M1AP: variants seen among roughly 807,000 people sequenced by gnomAD.
M1AP encodes meiosis 1 associated protein, also known as meiosis 1 arrest protein.
M1AP carries 39 observed loss-of-function variants against 51.2 expected under a neutral mutation model. That is an observed-to-expected ratio of 0.76 (90% CI 0.59 to 1.00). The LOEUF is 1.00. M1AP is among the 50% of genes least tolerant of loss of function. The probability of loss-of-function intolerance (pLI) is 0.00; values close to 1 mark genes in which losing one functional copy is unlikely to be tolerated. For synonymous variants in M1AP, 251 were observed against 249.2 expected, an observed-to-expected ratio of 1.01 and a Z score of -0.07; for missense variants, 545 against 641.2, an observed-to-expected ratio of 0.85 and a Z score of 1.62.
chr2:74,591,140 C>T (rs763572402), intron 4 of M1AP, among the ~76,000 whole-genome samples: 15 of 152,138 alleles, frequency 9.9e-5, no homozygotes, highest in Non-Finnish European at 1.8e-4. Flanking sequence ...AGTATAAAGC[C>T]GCCTCCCAGC....
intron 2 of M1AP, 99 bp downstream of exon 2, chr2:74,639,937 G>A (rs535079252): frequency 4.2e-5 from 44 of 1,044,382 alleles, no homozygotes; most frequent in Non-Finnish European, 5.4e-5. Context: ...GAAGTAGTGC[G>A]GTTATTGTTA....
At chr2:74,567,804 C>T (rs1021719618) in intron 7 of M1AP, among the ~76,000 whole-genome samples, 2 of 152,144 alleles carry the variant, frequency 1.3e-5, no homozygotes, top group South Asian at 4.1e-4. Context: ...GTGACATTTA[C>T]GGGAGTGGTG....
intron 4 of M1AP, among the ~76,000 whole-genome samples, chr2:74,590,295 G>A (rs1325363409): frequency 6.6e-6 from 1 of 152,190 alleles, no homozygotes; most frequent in African/African-American, 2.4e-5. Flanking sequence ...GGAGGGGGCA[G>A]ACAAGCTCCT....
At chr2:74,586,611 C>T (rs1397069453) in intron 4 of M1AP, among the ~76,000 whole-genome samples, 1 of 152,160 alleles carries the variant, frequency 6.6e-6, no homozygotes, top group Non-Finnish European at 1.5e-5. Flanking sequence ...CAATATTAAT[C>T]GCACTGCTGA....
chr2:74,618,308 C>A (rs1382819746), intron 2 of M1AP, among the ~76,000 whole-genome samples: 1 of 152,192 alleles, frequency 6.6e-6, no homozygotes, highest in Non-Finnish European at 1.5e-5. Flanking sequence ...GAGTGCTCAG[C>A]GTGCAGGGCC....
rs1479758903 is a variant in M1AP, at chr2:74,560,249, A to C, written c.1324T>G (p.Leu442Val). Residue 442 changes from leucine to valine, a missense_variant, in exon 9 of 11, where the codon TTG (leucine) becomes GTG (valine). Physicochemically the swap from Leu to Val is conservative, Grantham distance 32. Coordinates refer to ENST00000421985, the MANE Select transcript of M1AP (RefSeq NM_001321739.2). ...GAGTACAGGTGGCTTTGAACATGCAAGGGGTTGTAGGTGGGCTCCAGCTCC... is the reference window on the plus strand; with the variant it reads ...GAGTACAGGTGGCTTTGAACATGCACGGGGTTGTAGGTGGGCTCCAGCTCC... ...SLELEPTYNPLHVQSHLYSHL... is the reference protein window; with the variant it reads ...SLELEPTYNPVHVQSHLYSHL... 3.1e-6 allele frequency: 5 copies of C among 1,613,216 alleles called. No homozygotes were observed. Among genetic ancestry groups the C allele is most frequent in the Non-Finnish European group, 4.2e-6 (5 of 1,179,668 alleles).
At chr2:74,596,092 T>A (rs1255647484) in intron 4 of M1AP, among the ~76,000 whole-genome samples, 1 of 151,764 alleles carries the variant, frequency 6.6e-6, no homozygotes, top group Non-Finnish European at 1.5e-5. Flanking sequence ...AAACAGAAAA[T>A]AAAATGGTAG....
intron 1 of M1AP, among the ~76,000 whole-genome samples, chr2:74,646,659 TGA>T (rs1251314920): frequency 4.6e-5 from 7 of 152,330 alleles, no homozygotes; most frequent in East Asian, 3.9e-4. Context: ...AGTTTTACTA[TGA>T]GAGTTTTTTT....
chr2:74,560,180 G>A lies in M1AP; in HGVS notation c.1393C>T (p.Pro465Ser). 6.2e-7 allele frequency: 1 copy of A among 1,614,002 alleles called. No homozygotes were observed. Among genetic ancestry groups the A allele is most frequent in the Non-Finnish European group, 8.5e-7 (1 of 1,180,000 alleles). ...CTCGGAGCTCGGCTCTCCCAGTGTGGGTGGAGCCGCCCCTGAGGCTTGGCA... is the reference window on the plus strand; with the variant it reads ...CTCGGAGCTCGGCTCTCCCAGTGTGAGTGGAGCCGCCCCTGAGGCTTGGCA... ...IYAKPQGRLH[P>S]HWESRAPRKH... is the part of the protein sequence containing the mutation. Residue 465 changes from proline to serine, a missense_variant, in exon 9 of 11, where the codon CCA becomes TCA. Transcript: ENST00000421985.
Position 74,615,091 on chromosome 2 carries a change from T to C in M1AP, c.299A>G (p.Gln100Arg), listed in dbSNP as rs773033828. The change falls in exon 3 of 11, where the codon CAG (glutamine) becomes CGG (arginine). Residue 100 changes from glutamine (Q) to arginine (R), a missense_variant. Coordinates refer to ENST00000421985, the MANE Select transcript of M1AP (RefSeq NM_001321739.2). ...TTGTGATCTGAAACACCCTTCTCTC[T>C]GTAACATGCGGAGTTCTGAGATGCA... ...QTCISELRMLQREGCFRSQGA... is the reference protein window; with the variant it reads ...QTCISELRMLRREGCFRSQGA... The C allele has an allele frequency of 1.2e-6, 2 of 1,614,198 alleles. No individual in the cohort carries two copies. The highest frequency in any genetic ancestry group is 3.3e-5 in the Admixed American group (2 of 60,024).
At chr2:74,600,687 A>G (rs1680623640) in intron 4 of M1AP, among the ~76,000 whole-genome samples, 1 of 152,232 alleles carries the variant, frequency 6.6e-6, no homozygotes, top group Admixed American at 6.5e-5. Context: ...GAGGAACAAA[A>G]TAGAGAATGA....
intron 7 of M1AP, among the ~76,000 whole-genome samples, chr2:74,570,375 T>C (rs1332259123): frequency 6.6e-6 from 1 of 152,196 alleles, no homozygotes; most frequent in Non-Finnish European, 1.5e-5. Context: ...ATTCTGGGCC[T>C]AAATTTGACC....
chr2:74,619,549 T>C (rs937320904), intron 2 of M1AP, among the ~76,000 whole-genome samples: 4 of 152,194 alleles, frequency 2.6e-5, no homozygotes, highest in Admixed American at 6.5e-5. Context: ...GGGTAAGTTT[T>C]TCCAAAACTT....
chr2:74,606,103 A>G (rs1025033721), intron 4 of M1AP, among the ~76,000 whole-genome samples: 1 of 152,186 alleles, frequency 6.6e-6, no homozygotes, highest in Non-Finnish European at 1.5e-5. Flanking sequence ...GTAAGCTGGC[A>G]AATGAGTGAG....
chr2:74,567,572 T>A (rs1573066443), intron 7 of M1AP, among the ~76,000 whole-genome samples: 1 of 152,368 alleles, frequency 6.6e-6, no homozygotes, highest in Middle Eastern at 3.4e-3. Flanking sequence ...GTTATGGGGA[T>A]AAAATAAGTT....
chr2:74,621,945 T>TAA (rs753660707), intron 2 of M1AP, among the ~76,000 whole-genome samples: 22 of 122,880 alleles, frequency 1.8e-4, no homozygotes, highest in South Asian at 5.2e-4. Flanking sequence ...CCACATCTAC[T>TAA]AAAAAAAAAA....
chr2:74,625,958 C>T (rs2104784779), intron 2 of M1AP, among the ~76,000 whole-genome samples: 1 of 152,354 alleles, frequency 6.6e-6, no homozygotes, highest in East Asian at 1.9e-4. Flanking sequence ...CCTACACTCT[C>T]TCTGCATGCC....
intron 8 of M1AP, among the ~76,000 whole-genome samples, chr2:74,560,736 G>A (rs1223169892): frequency 1.3e-5 from 2 of 152,082 alleles, no homozygotes; most frequent in Non-Finnish European, 1.5e-5. Flanking sequence ...GGGGATACAG[G>A]AGCACAACAT....
intron 4 of M1AP, among the ~76,000 whole-genome samples, chr2:74,585,397 A>G (rs1679649951): frequency 6.6e-6 from 1 of 152,140 alleles, no homozygotes. Flanking sequence ...TGAGCTTAGG[A>G]AGGTGCGTGT....
Sources: gnomAD v4.1 joint callset for allele counts (sites outside exome capture counted in the v4.1 genomes callset) on GRCh38, gnomAD v4.1.1 for gene constraint, MANE v1.5 for transcripts, NCBI Gene and HGNC (gene_info 2026-07-23, HGNC 2026-07-21) for gene names.